The following FHOD3 variants were observed in gnomAD, a reference collection of about 807,000 sequenced individuals.
FHOD3 encodes the protein FH1/FH2 domain-containing protein 3.
In FHOD3, 90 loss-of-function variants were observed where a neutral mutation model predicts 173.0. The observed-to-expected ratio is 0.52, with a 90% CI of 0.44 to 0.62. The LOEUF (loss-of-function observed/expected upper bound fraction) is 0.62, where lower values mean the gene tolerates loss of function less well. Among genes scored for constraint, FHOD3 ranks in the 20% least tolerant of loss-of-function variants. The probability of loss-of-function intolerance (pLI) is 0.00; values close to 1 mark genes in which losing one functional copy is unlikely to be tolerated. For missense variants in FHOD3, 1,945 were observed against 2,034.7 expected (o/e 0.96, Z 0.85); for synonymous variants, 828 against 823.0 (o/e 1.01, Z -0.10).
At chr18:36,685,266 C>G (rs537938405) in intron 15 of FHOD3, among the ~76,000 whole-genome samples, 12 of 152,272 alleles carry the variant, frequency 7.9e-5, no homozygotes, top group African/African-American at 2.6e-4. Context: ...ACAGAGAGAC[C>G]TTGGCAAAAT....
chr18:36,459,293 G>C (rs1235141721), intron 3 of FHOD3, among the ~76,000 whole-genome samples: 1 of 152,244 alleles, frequency 6.6e-6, no homozygotes, highest in Non-Finnish European at 1.5e-5. Context: ...CTATGACAAA[G>C]GGGATTGTTA....
intron 1 of FHOD3, among the ~76,000 whole-genome samples, chr18:36,298,695 A>G (rs1230053663): frequency 1.3e-5 from 2 of 150,676 alleles, no homozygotes; most frequent in African/African-American, 2.4e-5. Flanking sequence ...ACAAAGCCTC[A>G]GCTTGGCAGC....
intron 6 of FHOD3, among the ~76,000 whole-genome samples, chr18:36,584,136 T>A (rs1159083493): frequency 6.6e-6 from 1 of 151,702 alleles, no homozygotes; most frequent in East Asian, 1.9e-4. Flanking sequence ...CCTGAGTTTT[T>A]CCTGCTGCTT....
chr18:36,721,325 T>C (rs1162940090), intron 19 of FHOD3, among the ~76,000 whole-genome samples: 1 of 152,192 alleles, frequency 6.6e-6, no homozygotes. Context: ...AAGGTAAGAA[T>C]GCAAGTTAGG....
intron 3 of FHOD3, among the ~76,000 whole-genome samples, chr18:36,478,386 C>A (rs1383798727): frequency 6.6e-6 from 1 of 152,150 alleles, no homozygotes; most frequent in Non-Finnish European, 1.5e-5. Flanking sequence ...GTATCTATCA[C>A]CTCAACCATC....
At chr18:36,479,989 A>G (rs761094507) in intron 3 of FHOD3, among the ~76,000 whole-genome samples, 26 of 152,238 alleles carry the variant, frequency 1.7e-4, no homozygotes, top group Admixed American at 3.3e-4. Context: ...ACTAGGCAGA[A>G]CTAGCTGTTA....
chr18:36,697,014 G>C (rs1431480414), intron 17 of FHOD3, among the ~76,000 whole-genome samples: 2 of 152,190 alleles, frequency 1.3e-5, no homozygotes, highest in Non-Finnish European at 2.9e-5. Flanking sequence ...GCACCTAAGT[G>C]ATTCTCTTTG....
intron 10 of FHOD3, among the ~76,000 whole-genome samples, chr18:36,632,664 A>G (rs79139344): frequency 0.026 from 3,899 of 152,068 alleles, 177 homozygotes; most frequent in African/African-American, 0.09. Context: ...TCCTCTTTTT[A>G]ACTGCAGCCT....
chr18:36,769,277 C>G lies in FHOD3; in HGVS notation c.4637C>G (p.Ser1546Cys). Reference sequence around the variant, plus strand: ...GTTTAATTTTTAGGATCCACTAGTTCCTGGACTATGGGAACTGATGACTCG... The same window carrying G: ...GTTTAATTTTTAGGATCCACTAGTTGCTGGACTATGGGAACTGATGACTCG... ...RSRASRGSTS[S>C]WTMGTDDSPN... The change falls in exon 28 of 29, where the codon TCC becomes TGC. Residue 1546 changes from serine to cysteine, a missense_variant. By Grantham distance (112) the Ser-to-Cys change is moderately radical. This residue lies in a region of FHOD3 where 354 missense variants were observed against 359.9 expected (regional missense o/e 0.98). Transcript: ENST00000590592. 1 of 1,614,064 alleles carries G rather than the reference C, an allele frequency of 6.2e-7. No individual in the cohort carries two copies. Among genetic ancestry groups the G allele is most frequent in the Non-Finnish European group, 8.5e-7 (1 of 1,180,000 alleles).
chr18:36,460,224 C>A (rs1427389015), intron 3 of FHOD3, among the ~76,000 whole-genome samples: 3 of 152,162 alleles, frequency 2.0e-5, no homozygotes, highest in Non-Finnish European at 4.4e-5. Context: ...TCTCCCCTTT[C>A]TATGCTGCAC....
intron 24 of FHOD3, among the ~76,000 whole-genome samples, chr18:36,749,701 A>G (rs769496863): frequency 6.6e-6 from 1 of 152,296 alleles, no homozygotes; most frequent in Non-Finnish European, 1.5e-5. Flanking sequence ...TATACCCAGT[A>G]ATGGGATTGC....
At position 36,364,069 on chromosome 18, in the gene FHOD3, T is replaced by G. The variant is rs562469875; in HGVS notation, c.272+8424T>G. On this transcript the variant is annotated intron_variant, in intron 2 of 28. Transcript: ENST00000590592. Reference sequence around the variant, plus strand: ...GTTTTATCTTTATGCCCTACCATCCTTAGGATCTGGCTTTTGTCTTTCGTG... The same window carrying G: ...GTTTTATCTTTATGCCCTACCATCCGTAGGATCTGGCTTTTGTCTTTCGTG... 8.3e-4 allele frequency among the ~76,000 whole-genome samples: 126 copies of G among 152,290 alleles called. 1 individual carries two copies. The highest frequency in any genetic ancestry group is 2.8e-3 in the African/African-American group (118 of 41,568).
chr18:36,707,413 C>T (rs2039943480), intron 17 of FHOD3, among the ~76,000 whole-genome samples: 1 of 152,218 alleles, frequency 6.6e-6, no homozygotes, highest in South Asian at 2.1e-4. Flanking sequence ...CAAATTCCTA[C>T]CTGGCACTTG....
intron 3 of FHOD3, among the ~76,000 whole-genome samples, chr18:36,382,292 C>T (rs965157801): frequency 6.6e-6 from 1 of 152,160 alleles, no homozygotes; most frequent in Non-Finnish European, 1.5e-5. Flanking sequence ...TGTGGCTCTT[C>T]CTGTCACTGC....
At chr18:36,421,655 T>C (rs1218124349) in intron 3 of FHOD3, among the ~76,000 whole-genome samples, 1 of 152,212 alleles carries the variant, frequency 6.6e-6, no homozygotes. Flanking sequence ...TGCTGGCAGA[T>C]TTTTTGAAAT....
At chr18:36,621,068 T>G (rs536010958) in intron 9 of FHOD3, among the ~76,000 whole-genome samples, 12 of 152,342 alleles carry the variant, frequency 7.9e-5, no homozygotes, top group African/African-American at 2.6e-4. Context: ...GAAGGGTGAT[T>G]TGATCCATGT....
intron 5 of FHOD3, among the ~76,000 whole-genome samples, chr18:36,528,336 GC>G (rs1002571848): frequency 1.1e-4 from 17 of 152,240 alleles, no homozygotes. Flanking sequence ...CATCAAGGCT[GC>G]CATACTGTAA....
At chr18:36,556,118 C>CT (rs2057871163) in intron 5 of FHOD3, among the ~76,000 whole-genome samples, 1 of 152,062 alleles carries the variant, frequency 6.6e-6, no homozygotes, top group Non-Finnish European at 1.5e-5. Flanking sequence ...ACATTTTCCT[C>CT]TTTTTCTGCC....
intron 1 of FHOD3, among the ~76,000 whole-genome samples, chr18:36,332,575 T>C (rs1275925815): frequency 6.6e-6 from 1 of 152,232 alleles, no homozygotes; most frequent in East Asian, 1.9e-4. Context: ...TGCATTCTCT[T>C]CAACCCAATG....
Sources: gnomAD v4.1 joint callset for allele counts (sites outside exome capture counted in the v4.1 genomes callset) on GRCh38, gnomAD v4.1.1 for gene constraint, gnomAD v4.1.1 regional missense constraint, MANE v1.5 for transcripts, NCBI Gene and HGNC (gene_info 2026-07-23, HGNC 2026-07-21) for gene names.